PHLPP2: variants seen among roughly 807,000 people sequenced by gnomAD.
The protein encoded by PHLPP2 is PH domain and leucine rich repeat protein phosphatase 2, also known as PH domain leucine-rich repeat-containing protein phosphatase 2.
PHLPP2 carries 66 observed loss-of-function variants against 124.9 expected under a neutral mutation model. That is an observed-to-expected ratio of 0.53 (90% CI 0.43 to 0.65). PHLPP2 has a LOEUF of 0.65. Among genes scored for constraint, PHLPP2 ranks in the 30% least tolerant of loss-of-function variants. The pLI, the probability that PHLPP2 is intolerant of heterozygous loss-of-function variation, is 0.00. For synonymous variants in PHLPP2, 681 were observed against 624.7 expected, an observed-to-expected ratio of 1.09 and a Z score of -1.34; for missense variants, 1,685 against 1,600.4, an observed-to-expected ratio of 1.05 and a Z score of -0.90.
In PHLPP2 at chr16:71,649,484, A is replaced by C; in HGVS notation, c.3378T>G (p.Ser1126=). The stretch of plus-strand genomic sequence containing the variant: ...AAGAAGGCTGGCGCTGAAACAGCCC[A>C]GAGGTGGGTGTTGGGTGGAGGCTGC... ...RRCSLHPTPT[S]GLFQRQPSSA... is the part of the protein sequence containing the mutation. Residue 1126 remains serine (S), a synonymous_variant, in exon 19 of 19, where the codon TCT becomes TCG. Transcript: ENST00000568954. 6.2e-7 allele frequency: 1 copy of C among 1,614,134 alleles called. No homozygotes were observed. Among genetic ancestry groups the C allele is most frequent in the African/African-American group, 1.3e-5 (1 of 75,046 alleles).
At chr16:71,695,241 A>G (rs1473695997) in intron 3 of PHLPP2, among the ~76,000 whole-genome samples, 1 of 152,248 alleles carries the variant, frequency 6.6e-6, no homozygotes, top group African/African-American at 2.4e-5. Context: ...CTATAACCCA[A>G]TAATTTCATT....
intron 2 of PHLPP2, among the ~76,000 whole-genome samples, chr16:71,711,443 A>G (rs1341550810): frequency 6.6e-6 from 1 of 152,234 alleles, no homozygotes; most frequent in Non-Finnish European, 1.5e-5. Flanking sequence ...GTGGGATTGA[A>G]AAAAGATCTG....
intron 1 of PHLPP2, chr16:71,723,733 CCGCT>C (rs758750389): frequency 2.6e-4 from 280 of 1,065,162 alleles, no homozygotes; most frequent in South Asian, 6.5e-4. Flanking sequence ...GCCCGCTCGC[CCGCT>C]CGCTCGCTCG....
chr16:71,723,596 G>A, intron 1 of PHLPP2: 3 of 282,246 alleles, frequency 1.1e-5, no homozygotes, highest in Non-Finnish European at 1.9e-5. Flanking sequence ...AGGCCTCGGC[G>A]TCCCCAGCCG....
intron 15 of PHLPP2, among the ~76,000 whole-genome samples, chr16:71,657,674 G>A (rs752892192): frequency 1.3e-5 from 2 of 152,162 alleles, no homozygotes; most frequent in East Asian, 1.9e-4. Context: ...GATTACAGGC[G>A]TGAGCCACCG....
At chr16:71,670,169 A>C (rs1178620095) in intron 10 of PHLPP2, among the ~76,000 whole-genome samples, 1 of 152,222 alleles carries the variant, frequency 6.6e-6, no homozygotes, top group Non-Finnish European at 1.5e-5. Flanking sequence ...CAAGAGAAGA[A>C]ACATATGATG....
At chr16:71,655,174 T>G (rs2044731759) in intron 17 of PHLPP2, 66 bp downstream of exon 17, 1 of 1,077,060 alleles carries the variant, frequency 9.3e-7, no homozygotes, top group African/African-American at 1.6e-5. Flanking sequence ...CCTGACCTTC[T>G]GGTTTAGAAA....
At chr16:71,704,516 T>C (rs1192869459) in intron 2 of PHLPP2, among the ~76,000 whole-genome samples, 2 of 151,876 alleles carry the variant, frequency 1.3e-5, no homozygotes, top group Admixed American at 6.6e-5. Context: ...ACAGAAATCA[T>C]ACTGATGTAC....
intron 4 of PHLPP2, among the ~76,000 whole-genome samples, chr16:71,686,061 G>A (rs12924281): frequency 3.9e-5 from 6 of 152,144 alleles, no homozygotes; most frequent in African/African-American, 9.7e-5. Flanking sequence ...AGCTGAGATC[G>A]TGCCACTGCA....
intron 13 of PHLPP2, among the ~76,000 whole-genome samples, chr16:71,662,279 A>G (rs1025959131): frequency 1.8e-4 from 27 of 152,010 alleles, no homozygotes; most frequent in Non-Finnish European, 3.7e-4. Flanking sequence ...AAATACAAAA[A>G]ATTAGCCAGG....
intron 8 of PHLPP2, chr16:71,678,340 T>G: frequency 5.6e-6 from 1 of 177,972 alleles, no homozygotes; most frequent in South Asian, 1.4e-4. Context: ...ATTTCTACAC[T>G]ATTCAAAAAA....
At chr16:71,670,343 G>A (rs1423128954) in intron 10 of PHLPP2, among the ~76,000 whole-genome samples, 3 of 152,148 alleles carry the variant, frequency 2.0e-5, no homozygotes, top group Non-Finnish European at 2.9e-5. Flanking sequence ...CCTTTAAAGG[G>A]CTAGCTGAGG....
At chr16:71,702,062 G>C (rs16973435) in intron 3 of PHLPP2, among the ~76,000 whole-genome samples, 140 of 152,208 alleles carry the variant, frequency 9.2e-4, no homozygotes, top group African/African-American at 3.3e-3. Context: ...GCATGTTACT[G>C]TTCCAAGTTT....
intron 3 of PHLPP2, among the ~76,000 whole-genome samples, chr16:71,695,748 T>C (rs2045163216): frequency 6.6e-6 from 1 of 150,554 alleles, no homozygotes; most frequent in South Asian, 2.1e-4. Context: ...CAGAAGATGG[T>C]TCTGCAAATG....
At chr16:71,701,374 AT>A (rs1567626591) in intron 3 of PHLPP2, among the ~76,000 whole-genome samples, 1 of 152,044 alleles carries the variant, frequency 6.6e-6, no homozygotes, top group Non-Finnish European at 1.5e-5. Flanking sequence ...TACCAGGTAC[AT>A]TATTACTTTT....
At chr16:71,714,995 C>A in intron 1 of PHLPP2, 194 bp from the exon 2 acceptor site, 1 of 640,948 alleles carries the variant, frequency 1.6e-6, no homozygotes, top group Non-Finnish European at 2.6e-6. Context: ...TTACTGCTGT[C>A]TGTGTTTCCA....
chr16:71,687,273 CT>C lies in PHLPP2; in HGVS notation c.610-2673del, dbSNP rs375865011. ...TTTTAATGGGTTTGTCTTTTTGTTA[CT>C]TAGTTGCAAAAGTTCCTTACATATT... On this transcript the variant is annotated intron_variant, in intron 4 of 18. Coordinates refer to ENST00000568954, the MANE Select transcript of PHLPP2 (RefSeq NM_015020.3). Among the ~76,000 whole-genome samples, 531 of 152,242 alleles carry C rather than the reference CT, an allele frequency of 3.5e-3. 6 individuals carry two copies. The highest frequency in any genetic ancestry group is 0.012 in the African/African-American group (507 of 41,554).
chr16:71,679,105 G>A (rs2044973547), intron 7 of PHLPP2, 120 bp from the exon 8 acceptor site: 2 of 650,494 alleles, frequency 3.1e-6, no homozygotes, highest in South Asian at 3.8e-5. Flanking sequence ...ATAGTAAAGT[G>A]TCCTAACTCT....
intron 5 of PHLPP2, among the ~76,000 whole-genome samples, chr16:71,683,488 A>G (rs2045023199): frequency 6.6e-6 from 1 of 152,200 alleles, no homozygotes; most frequent in Non-Finnish European, 1.5e-5. Context: ...TATGGAATGA[A>G]TCCATCTATC....
Sources: allele counts gnomAD v4.1 joint callset (sites outside exome capture counted in the v4.1 genomes callset), GRCh38; gene constraint gnomAD v4.1.1; transcripts MANE v1.5; gene names NCBI Gene and HGNC (gene_info 2026-07-23, HGNC 2026-07-21).